Variants in FH observed in about 807,000 individuals in gnomAD.
The protein encoded by FH is fumarate hydratase, mitochondrial.
Under a neutral mutation model 49.4 loss-of-function variants are expected in FH, and 22 were observed. That is an observed-to-expected ratio of 0.45 (90% CI 0.32 to 0.64). The LOEUF (loss-of-function observed/expected upper bound fraction) is 0.64. FH is among the 30% of genes least tolerant of loss of function. The pLI is 0.05. For synonymous variants in FH, 208 were observed against 223.0 expected (o/e 0.93, Z 0.60); for missense variants, 526 against 641.5 (o/e 0.82, Z 1.95).
rs567460840 is a variant in FH, at chr1:241,516,168, T to C, written c.267+1014A>G. Among the ~76,000 whole-genome samples, 60 of 152,226 alleles carry C rather than the reference T, an allele frequency of 3.9e-4. No individual in the cohort carries two copies. The East Asian group carries it at 9.1e-3, about 23-fold the overall frequency. ...ACTGTAGAACCCTAGTAAAAATCTG[T>C]AAATACCCAGCAAGAGTGAAAAGAC... On this transcript the variant is annotated intron_variant, in intron 2 of 9. Coordinates refer to ENST00000366560, the MANE Select transcript of FH (RefSeq NM_000143.4).
rs750316531 is a variant in FH at position 241,511,971 on chromosome 1, C to T, written c.551G>A (p.Ser184Asn). 6.2e-7 allele frequency: 1 copy of T among 1,613,832 alleles called. No individual in the cohort carries two copies. The highest frequency in any genetic ancestry group is 1.7e-5 in the Admixed American group (1 of 60,024). ...CAGCAAAGCTCACATACTGACCTGG[C>T]TTTTATTAACATGATCGTTGGGATG... Reference protein sequence around the residue: ...PVHPNDHVNKSQSSNDTFPTA... With the variant: ...PVHPNDHVNKNQSSNDTFPTA... The change falls in exon 4 of 10, where the codon AGC (serine) becomes AAC (asparagine). Residue 184 changes from serine (S) to asparagine (N), a missense_variant. Transcript: ENST00000366560.
At position 241,519,282 on chromosome 1, in the gene FH, T is replaced by C. The variant is rs529485494; in HGVS notation, c.132+309A>G. ...GCGCGCCAGCAGCAGCGAAGTTACC[T>C]CAAAACGCCCCGGCCTCGGCCCGCC... On this transcript the variant is annotated intron_variant, in intron 1 of 9. Coordinates refer to ENST00000366560, the MANE Select transcript of FH (RefSeq NM_000143.4). 157 of 325,658 alleles carry C rather than the reference T, an allele frequency of 4.8e-4. 1 individual carries two copies. The highest frequency in any genetic ancestry group is 3.4e-3 in the African/African-American group (151 of 44,874). 20.2% of individuals were successfully genotyped at this position (325,658 alleles called of 1,614,324 possible).
intron 2 of FH, 105 bp from the exon 3 acceptor site, chr1:241,513,818 A>C: frequency 1.2e-6 from 1 of 820,012 alleles, no homozygotes. Context: ...TAACAATAAA[A>C]CAGTAACACT....
intron 4 of FH, among the ~76,000 whole-genome samples, chr1:241,509,108 CCTG>C (rs1187209522): frequency 6.0e-5 from 9 of 149,566 alleles, no homozygotes; most frequent in Non-Finnish European, 8.9e-5. Flanking sequence ...ATTATATCTG[CCTG>C]CTAATAAATG....
intron 8 of FH, among the ~76,000 whole-genome samples, chr1:241,501,727 A>AT (rs1489420524): frequency 6.6e-6 from 1 of 152,226 alleles, no homozygotes; most frequent in Non-Finnish European, 1.5e-5. Flanking sequence ...TACTTTAGCT[A>AT]TAACACTTTG....
intron 7 of FH, 99 bp downstream of exon 7, chr1:241,503,943 T>G (rs959164482): frequency 7.8e-7 from 1 of 1,280,554 alleles, no homozygotes; most frequent in Non-Finnish European, 1.1e-6. Context: ...CGCATCCAGC[T>G]GCGGGATAAC....
At chr1:241,500,711 A>C in intron 8 of FH, 121 bp from the exon 9 acceptor site, 5 of 1,328,512 alleles carry the variant, frequency 3.8e-6, no homozygotes, top group Non-Finnish European at 5.2e-6. Flanking sequence ...ATACAATTCA[A>C]TAAACATATA....
At chr1:241,518,831 A>ATTAC (rs1344293134) in intron 1 of FH, among the ~76,000 whole-genome samples, 1 of 152,224 alleles carries the variant, frequency 6.6e-6, no homozygotes, top group African/African-American at 2.4e-5. Context: ...GACTTACGTA[A>ATTAC]GCATGTCATA....
rs187360871 is a variant in FH at position 241,514,100 on chromosome 1, C to A, written c.268-387G>T. ...ATTTAGTACTCAATCTTTTCACCAGCAAGAACCATTATTTTCTCTTACTGG... is the reference window on the plus strand; with the variant it reads ...ATTTAGTACTCAATCTTTTCACCAGAAAGAACCATTATTTTCTCTTACTGG... On this transcript the variant is annotated intron_variant, in intron 2 of 9. Coordinates refer to ENST00000366560, the MANE Select transcript of FH (RefSeq NM_000143.4). Among the ~76,000 whole-genome samples the A allele has an allele frequency of 5.6e-4, 86 of 152,222 alleles. 1 individual carries two copies. The highest frequency in any genetic ancestry group is 5.4e-4 in the Non-Finnish European group (37 of 68,000).
At chr1:241,502,668 A>G in intron 7 of FH, 98 bp from the exon 8 acceptor site, 1 of 1,410,278 alleles carries the variant, frequency 7.1e-7, no homozygotes, top group Non-Finnish European at 1.0e-6. Flanking sequence ...TAAGATATAC[A>G]ATAAAGCAAG....
rs1263693803 is a variant in FH, at chr1:241,518,566, A to T, written c.132+1025T>A. Among the ~76,000 whole-genome samples, 9 of 152,284 alleles carry T rather than the reference A, an allele frequency of 5.9e-5. No individual in the cohort carries two copies. The East Asian group carries it at 1.7e-3, about 29-fold the overall frequency. On this transcript the variant is annotated intron_variant, in intron 1 of 9. Coordinates refer to ENST00000366560, the MANE Select transcript of FH (RefSeq NM_000143.4). ...AAGTACTGGCCCTTTGAAATACCCT[A>T]GATGGGGCACTTATTTAATGAGCAC...
At chr1:241,500,146 G>C (rs1329589683) in intron 9 of FH, among the ~76,000 whole-genome samples, 2 of 152,128 alleles carry the variant, frequency 1.3e-5, no homozygotes, top group African/African-American at 4.8e-5. Context: ...CCAATGGTCT[G>C]CATAGAATAT....
intron 5 of FH, among the ~76,000 whole-genome samples, 195 bp downstream of exon 5, chr1:241,508,408 A>G (rs1225581165): frequency 6.6e-6 from 1 of 152,180 alleles, no homozygotes; most frequent in Non-Finnish European, 1.5e-5. Flanking sequence ...ACTGAATCTG[A>G]CTTATAGCCA....
chr1:241,498,208 T>A (rs1412671892), intron 9 of FH, among the ~76,000 whole-genome samples: 1 of 152,198 alleles, frequency 6.6e-6, no homozygotes, highest in Admixed American at 6.5e-5. Flanking sequence ...GATTTGTTCC[T>A]AAGTTGAAAT....
At chr1:241,498,600 G>T (rs1174249212) in intron 9 of FH, among the ~76,000 whole-genome samples, 5 of 149,950 alleles carry the variant, frequency 3.3e-5, no homozygotes, top group Non-Finnish European at 5.9e-5. Context: ...AATACAGACT[G>T]CACAAAAGAT....
intron 9 of FH, among the ~76,000 whole-genome samples, chr1:241,498,712 T>TATATATATAC (rs1659689412): frequency 1.3e-5 from 1 of 76,008 alleles, no homozygotes; most frequent in East Asian, 5.2e-4. Flanking sequence ...TATATATATA[T>TATATATATAC]ATATATATAT....
intron 2 of FH, among the ~76,000 whole-genome samples, chr1:241,515,355 T>G (rs1660187497): frequency 6.6e-6 from 1 of 152,136 alleles, no homozygotes; most frequent in Non-Finnish European, 1.5e-5. Flanking sequence ...CACAGATCAA[T>G]GAAAACGGCA....
At chr1:241,498,040 A>G in intron 9 of FH, 70 bp from the exon 10 acceptor site, 1 of 1,518,144 alleles carries the variant, frequency 6.6e-7, no homozygotes, top group Non-Finnish European at 9.1e-7. Context: ...AAAAGGTGAC[A>G]TAATTGTTTA....
intron 7 of FH, among the ~76,000 whole-genome samples, chr1:241,503,174 T>G (rs987695004): frequency 6.6e-6 from 1 of 152,202 alleles, no homozygotes; most frequent in Non-Finnish European, 1.5e-5. Flanking sequence ...GGGTGGATTA[T>G]TGCCTTTATC....
Sources: gnomAD v4.1 joint callset for allele counts (sites outside exome capture counted in the v4.1 genomes callset) on GRCh38, gnomAD v4.1.1 for gene constraint, MANE v1.5 for transcripts, NCBI Gene and HGNC (gene_info 2026-07-23, HGNC 2026-07-21) for gene names.